PRIM2: variants seen among roughly 807,000 people sequenced by gnomAD.
The protein encoded by PRIM2 is DNA primase subunit 2.
A neutral mutation model predicts 67.3 loss-of-function variants in PRIM2; 39 were observed. That is an observed-to-expected ratio of 0.58 (90% confidence interval 0.45 to 0.76). The LOEUF is 0.76. Ranked by LOEUF, PRIM2 falls within the 30% of genes least tolerant of loss-of-function variation. The pLI, the probability that PRIM2 is intolerant of heterozygous loss-of-function variation, is 0.00. For missense variants in PRIM2, 398 were observed against 598.7 expected, an observed-to-expected ratio of 0.66 and a Z score of 3.50; for synonymous variants, 143 against 198.7, an observed-to-expected ratio of 0.72 and a Z score of 2.36.
intron 7 of PRIM2, among the ~76,000 whole-genome samples, chr6:57,487,582 A>G (rs1368862644): frequency 6.6e-6 from 1 of 152,268 alleles, no homozygotes; most frequent in Non-Finnish European, 1.5e-5. Flanking sequence ...CAAGCACTAC[A>G]TTTAGAAATA....
At chr6:57,465,453 A>G (rs1183957462) in intron 7 of PRIM2, among the ~76,000 whole-genome samples, 1 of 152,174 alleles carries the variant, frequency 6.6e-6, no homozygotes, top group East Asian at 1.9e-4. Context: ...TTAGTGGTAC[A>G]GACTCTAGGG....
At chr6:57,330,731 G>A (rs1318129706) in intron 5 of PRIM2, among the ~76,000 whole-genome samples, 1 of 152,000 alleles carries the variant, frequency 6.6e-6, no homozygotes, top group Non-Finnish European at 1.5e-5. Flanking sequence ...ATGTTGCATG[G>A]TTTTAGCTGT....
At chr6:57,454,565 T>C (rs1772687682) in intron 7 of PRIM2, among the ~76,000 whole-genome samples, 1 of 152,202 alleles carries the variant, frequency 6.6e-6, no homozygotes, top group African/African-American at 2.4e-5. Context: ...GATTCTCTAG[T>C]TTGAGTAGAG....
the PRIM2 span, among the ~76,000 whole-genome samples, chr6:57,295,408 C>A: frequency 2.0e-5 from 3 of 151,852 alleles, no homozygotes; most frequent in African/African-American, 7.3e-5. Context: ...AGTAGCAAAC[C>A]ACTGGTTTAT....
intron 7 of PRIM2, among the ~76,000 whole-genome samples, chr6:57,477,333 A>G (rs1208518968): frequency 2.0e-4 from 30 of 152,206 alleles, no homozygotes; most frequent in African/African-American, 7.0e-4. Flanking sequence ...TTTGAAAATG[A>G]TAAGTTATAT....
chr6:57,290,683 C>A, the PRIM2 span, among the ~76,000 whole-genome samples: 1 of 152,172 alleles, frequency 6.6e-6, no homozygotes, highest in Non-Finnish European at 1.5e-5. Flanking sequence ...AATTACAACT[C>A]AGGATTAAGA....
chr6:57,383,173 T>C (rs1770019243), intron 7 of PRIM2: 2 of 152,238 alleles, frequency 1.3e-5, no homozygotes, highest in Admixed American at 6.5e-5. Context: ...CCCTAGATTA[T>C]ATTCTAGTTA....
intron 10 of PRIM2, among the ~76,000 whole-genome samples, chr6:57,558,828 T>C (rs1775570550): frequency 1.3e-5 from 2 of 152,188 alleles, no homozygotes; most frequent in South Asian, 4.2e-4. Context: ...AGGTAGTCAT[T>C]AACGAGATAC....
the PRIM2 span, among the ~76,000 whole-genome samples, chr6:57,281,354 T>C: frequency 6.6e-6 from 1 of 152,216 alleles, no homozygotes; most frequent in Admixed American, 6.5e-5. Flanking sequence ...TTTTCAGGTT[T>C]TAGTTTTTTG....
chr6:57,248,388 T>C, the PRIM2 span, among the ~76,000 whole-genome samples: 1 of 152,202 alleles, frequency 6.6e-6, no homozygotes, highest in Non-Finnish European at 1.5e-5. Context: ...AATAGTGTTA[T>C]TGGTTGAGGG....
the PRIM2 span, among the ~76,000 whole-genome samples, chr6:57,307,902 A>G: frequency 6.6e-6 from 1 of 152,182 alleles, no homozygotes; most frequent in Non-Finnish European, 1.5e-5. Flanking sequence ...TTAAGAACAC[A>G]GAGCAGGGGA....
chr6:57,290,558 C>T, the PRIM2 span, among the ~76,000 whole-genome samples: 10 of 152,156 alleles, frequency 6.6e-5, no homozygotes, highest in African/African-American at 1.9e-4. Flanking sequence ...ATACATTCTT[C>T]TCAGCACCAC....
chr6:57,601,356 T>C lies in PRIM2; in HGVS notation c.1147+137T>C, dbSNP rs1221560412. On this transcript the variant is annotated intron_variant, in intron 11 of 13. Transcript: ENST00000615550. ...CTTATCTCAGTCGTCACTGTCAAGCTAGAGCTCCATTACTCTTAGAACAAT... is the reference window on the plus strand; with the variant it reads ...CTTATCTCAGTCGTCACTGTCAAGCCAGAGCTCCATTACTCTTAGAACAAT... 1.3e-5 allele frequency: 11 copies of C among 867,962 alleles called. No individual in the cohort carries two copies. The Admixed American group carries it at 1.4e-4, about 11-fold the overall frequency. The allele number at this position is 867,962 out of a possible 1,614,324, so 53.8% of individuals were successfully genotyped here. A position where few individuals can be genotyped will look rare whatever the true frequency, so the allele number is the denominator to read the frequency against.
chr6:57,410,746 T>A (rs1771062568), intron 7 of PRIM2, among the ~76,000 whole-genome samples: 1 of 152,162 alleles, frequency 6.6e-6, no homozygotes, highest in East Asian at 1.9e-4. Context: ...CCAATTACCC[T>A]GGCTAGGACC....
upstream of PRIM2, among the ~76,000 whole-genome samples, chr6:57,313,499 T>C (rs1051388230): frequency 6.6e-6 from 1 of 152,218 alleles, no homozygotes; most frequent in African/African-American, 2.4e-5. Flanking sequence ...TTCTTCACCG[T>C]GCTACCATTA....
At chr6:57,282,435 A>G in the PRIM2 span, among the ~76,000 whole-genome samples, 1 of 152,120 alleles carries the variant, frequency 6.6e-6, no homozygotes, top group Non-Finnish European at 1.5e-5. Flanking sequence ...CTACCCAGTA[A>G]CCTACTTTCA....
chr6:57,520,427 C>G (rs1269204950), intron 8 of PRIM2, among the ~76,000 whole-genome samples: 2 of 152,210 alleles, frequency 1.3e-5, no homozygotes, highest in Admixed American at 1.3e-4. Context: ...TTTGACTATC[C>G]TGGACCCAAC....
chr6:57,439,511 G>C (rs1014520249), intron 7 of PRIM2, among the ~76,000 whole-genome samples: 2 of 144,794 alleles, frequency 1.4e-5, no homozygotes, highest in African/African-American at 2.6e-5. Context: ...TGCCTTCTGG[G>C]TTCTAGCAAT....
chr6:57,452,714 T>G (rs1009036698), intron 7 of PRIM2, among the ~76,000 whole-genome samples: 1 of 152,132 alleles, frequency 6.6e-6, no homozygotes, highest in Non-Finnish European at 1.5e-5. Context: ...ATTGCAAAAA[T>G]TTTCTCCCAT....
Sources: gnomAD v4.1 joint callset for allele counts (sites outside exome capture counted in the v4.1 genomes callset) on GRCh38, gnomAD v4.1.1 for gene constraint, MANE v1.5 for transcripts, NCBI Gene and HGNC (gene_info 2026-07-23, HGNC 2026-07-21) for gene names.